RHOJ: variants seen among roughly 807,000 people sequenced by gnomAD.
The protein encoded by RHOJ is ras homolog family member J.
A neutral mutation model predicts 23.4 loss-of-function variants in RHOJ; 11 were observed. That is an observed-to-expected ratio of 0.47 (90% CI 0.30 to 0.78). The LOEUF is 0.78. RHOJ is among the 30% of genes least tolerant of loss of function. The probability of loss-of-function intolerance (pLI) is 0.08; values close to 1 mark genes in which losing one functional copy is unlikely to be tolerated. For missense variants in RHOJ, 254 were observed against 273.4 expected (o/e 0.93, Z 0.50); for synonymous variants, 102 against 102.7 (o/e 0.99, Z 0.04).
chr14:63,261,695 C>T (rs1459669558), intron 1 of RHOJ, among the ~76,000 whole-genome samples: 1 of 152,012 alleles, frequency 6.6e-6, no homozygotes, highest in East Asian at 1.9e-4. Flanking sequence ...CCTGCCTCAG[C>T]CTCCCAAAGT....
intron 1 of RHOJ, among the ~76,000 whole-genome samples, chr14:63,218,583 G>A (rs559606018): frequency 2.6e-5 from 4 of 152,070 alleles, no homozygotes; most frequent in South Asian, 2.1e-4. Context: ...CTTCATTCCC[G>A]TCCTATCAGT....
At chr14:63,205,179 G>A (rs1400681406) in intron 1 of RHOJ, 132 bp downstream of exon 1, 11 of 885,430 alleles carry the variant, frequency 1.2e-5, no homozygotes, top group East Asian at 2.6e-5. Flanking sequence ...GGAGCTTAGC[G>A]TAGCATACAA....
chr14:63,240,957 G>A (rs888220384), intron 1 of RHOJ, among the ~76,000 whole-genome samples: 5 of 152,146 alleles, frequency 3.3e-5, no homozygotes, highest in African/African-American at 1.2e-4. Flanking sequence ...AAAGCTTTTG[G>A]TTTCAAATTC....
At chr14:63,211,446 C>A (rs1289268844) in intron 1 of RHOJ, among the ~76,000 whole-genome samples, 1 of 152,080 alleles carries the variant, frequency 6.6e-6, no homozygotes, top group Non-Finnish European at 1.5e-5. Flanking sequence ...ACCTGGGCAA[C>A]AGAGCAAGAC....
At chr14:63,264,384 G>A (rs1242215830) in intron 1 of RHOJ, among the ~76,000 whole-genome samples, 8 of 152,052 alleles carry the variant, frequency 5.3e-5, no homozygotes, top group South Asian at 2.1e-4. Flanking sequence ...ATTCCATGAG[G>A]TATATGCACA....
chr14:63,211,762 T>G (rs1251539009), intron 1 of RHOJ, among the ~76,000 whole-genome samples: 2 of 152,204 alleles, frequency 1.3e-5, no homozygotes, highest in Non-Finnish European at 2.9e-5. Flanking sequence ...CCCTTCTTTA[T>G]CATAAGGTGC....
At chr14:63,263,784 T>C (rs1419801278) in intron 1 of RHOJ, among the ~76,000 whole-genome samples, 1 of 152,202 alleles carries the variant, frequency 6.6e-6, no homozygotes, top group Non-Finnish European at 1.5e-5. Flanking sequence ...ACTTCAAAGC[T>C]TAACAAAGCC....
intron 1 of RHOJ, among the ~76,000 whole-genome samples, chr14:63,205,794 G>A (rs749901297): frequency 3.3e-5 from 5 of 152,280 alleles, no homozygotes; most frequent in South Asian, 4.1e-4. Context: ...TTTGTTTTGC[G>A]AGTGTTCTAA....
At chr14:63,237,791 A>G (rs1344371194) in intron 1 of RHOJ, among the ~76,000 whole-genome samples, 3 of 152,254 alleles carry the variant, frequency 2.0e-5, no homozygotes, top group Non-Finnish European at 4.4e-5. Flanking sequence ...AGACTGAATT[A>G]ATCGGTGTGG....
At chr14:63,240,009 T>C (rs115418299) in intron 1 of RHOJ, among the ~76,000 whole-genome samples, 2,006 of 152,290 alleles carry the variant, frequency 0.013, 53 homozygotes, top group African/African-American at 0.045. Context: ...TGCATTTCCT[T>C]TATAAAGTGC....
Position 63,265,723 on chromosome 14 carries a change from G to C in RHOJ, c.179-3387G>C, listed in dbSNP as rs562507282. 3.3e-5 allele frequency among the ~76,000 whole-genome samples: 5 copies of C among 152,332 alleles called. No individual in the cohort carries two copies. In the East Asian group the frequency reaches 5.8e-4, roughly 18 times the overall value. On this transcript the variant is annotated intron_variant, in intron 1 of 4. Transcript: ENST00000316754. ...ACAGCTTGATTTTATGCATTTTAGG[G>C]GGGGACAGAAGTTACAGAGACATAA... is the stretch of plus-strand genomic sequence containing the variant.
At chr14:63,281,891 T>C (rs368563568) in intron 3 of RHOJ, among the ~76,000 whole-genome samples, 23 of 152,256 alleles carry the variant, frequency 1.5e-4, no homozygotes, top group African/African-American at 5.1e-4. Flanking sequence ...AAGGGCTTCA[T>C]TGTTATCTGT....
Position 63,281,117 on chromosome 14 carries a change from T to A in RHOJ, c.384T>A (p.Tyr128Ter). The change falls in exon 3 of 5, where the codon TAT becomes TAA. Residue 128 changes from tyrosine to a stop codon, truncating the protein, a stop_gained. Coordinates refer to ENST00000316754, the MANE Select transcript of RHOJ (RefSeq NM_020663.5). LOFTEE classifies it high-confidence loss of function. ...ELKDCMPHVP[Y>*]VLIGTQIDLR... ...AGGACTGCATGCCTCACGTGCCTTA[T>A]GTCCTCATAGGGACCCAGGTTAAAA... 1 of 1,612,682 alleles carries A rather than the reference T, an allele frequency of 6.2e-7. No individual in the cohort carries two copies. Among genetic ancestry groups the A allele is most frequent in the Non-Finnish European group, 8.5e-7 (1 of 1,179,486 alleles).
chr14:63,284,559 C>T (rs1040910321), intron 4 of RHOJ, among the ~76,000 whole-genome samples: 2 of 152,150 alleles, frequency 1.3e-5, no homozygotes, highest in Non-Finnish European at 1.5e-5. Flanking sequence ...TGTACCTGAC[C>T]GTCACGTAAA....
At chr14:63,278,763 T>C (rs1239254439) in intron 2 of RHOJ, among the ~76,000 whole-genome samples, 1 of 152,082 alleles carries the variant, frequency 6.6e-6, no homozygotes, top group Admixed American at 6.5e-5. Flanking sequence ...GGCAGGAGGA[T>C]TGCTTGAGCC....
At chr14:63,247,865 C>T (rs1031959237) in intron 1 of RHOJ, among the ~76,000 whole-genome samples, 5 of 152,088 alleles carry the variant, frequency 3.3e-5, no homozygotes, top group Admixed American at 3.3e-4. Flanking sequence ...ACCGGGGAGG[C>T]CTCACAATCA....
At chr14:63,223,639 G>A (rs1227742365) in intron 1 of RHOJ, among the ~76,000 whole-genome samples, 2 of 151,812 alleles carry the variant, frequency 1.3e-5, no homozygotes, top group Non-Finnish European at 2.9e-5. Flanking sequence ...GGACACCCCT[G>A]GAAGAAAAGA....
rs563570106 is a variant in RHOJ, at chr14:63,231,532, C to T, written c.178+26485C>T. 1.9e-3 allele frequency among the ~76,000 whole-genome samples: 287 copies of T among 152,254 alleles called. 3 individuals carry two copies. The highest frequency in any genetic ancestry group is 6.5e-3 in the African/African-American group (272 of 41,530). On this transcript the variant is annotated intron_variant, in intron 1 of 4. Transcript: ENST00000316754. ...GTTGTATAGCCATGTTAGGAATGGA[C>T]GCACACACATGTACGGTGGTCAAAA...
intron 1 of RHOJ, among the ~76,000 whole-genome samples, chr14:63,217,256 G>C (rs751702695): frequency 2.1e-3 from 252 of 118,246 alleles, no homozygotes; most frequent in Non-Finnish European, 2.9e-3. Context: ...CCCCACAACA[G>C]TCCCCAGAGT....
Sources: allele counts gnomAD v4.1 joint callset (sites outside exome capture counted in the v4.1 genomes callset), GRCh38; gene constraint gnomAD v4.1.1; transcripts MANE v1.5; gene names NCBI Gene and HGNC (gene_info 2026-07-23, HGNC 2026-07-21).